The following ADAM7 variants were observed in gnomAD, a reference collection of about 807,000 sequenced individuals.
The protein encoded by ADAM7 is ADAM metallopeptidase domain 7, also known as disintegrin and metalloproteinase domain-containing protein 7.
In ADAM7, 97 loss-of-function variants were observed where a neutral mutation model predicts 102.9. The ratio of observed to expected loss-of-function variants is 0.94; its 90% CI spans 0.80 to 1.12. The LOEUF is 1.12. ADAM7 is among the 50% of genes most tolerant of loss of function. The pLI, the probability that ADAM7 is intolerant of heterozygous loss-of-function variation, is 0.00. For missense variants in ADAM7, 991 were observed against 908.7 expected (o/e 1.09, Z -1.16); for synonymous variants, 334 against 304.4 (o/e 1.10, Z -1.01).
chr8:24,485,917 T>C (rs1225504577), intron 10 of ADAM7, among the ~76,000 whole-genome samples: 1 of 152,204 alleles, frequency 6.6e-6, no homozygotes, highest in Non-Finnish European at 1.5e-5. Flanking sequence ...TCTATTTATT[T>C]TCTTTATGTC....
At chr8:24,477,610 G>T (rs181979603) in intron 8 of ADAM7, among the ~76,000 whole-genome samples, 1 of 148,556 alleles carries the variant, frequency 6.7e-6, no homozygotes, top group African/African-American at 2.5e-5. Context: ...TACAGTGTTG[G>T]ATTCTCTGAA....
intron 7 of ADAM7, among the ~76,000 whole-genome samples, chr8:24,469,380 A>C (rs78842359): frequency 6.6e-6 from 1 of 152,186 alleles, no homozygotes; most frequent in East Asian, 1.9e-4. Flanking sequence ...CTGTCTGCCT[A>C]TAGCCATGAG....
In ADAM7 at chr8:24,504,023, A is replaced by AAAAATAAAAT. The variant is rs140673463; in HGVS notation, c.2208+2481_2208+2490dup. 2.7e-4 allele frequency among the ~76,000 whole-genome samples: 40 copies of AAAAATAAAAT among 145,796 alleles called. No homozygotes were observed. In the East Asian group the frequency reaches 2.8e-3, roughly 10 times the overall value. On this transcript the variant is annotated intron_variant, in intron 20 of 21. Transcript: ENST00000175238. ...ACATGTATCCCTGAACTTCAAGTACAAAAATAAAATAAAATAAAATAAAAT... is the reference window on the plus strand; with the variant it reads ...ACATGTATCCCTGAACTTCAAGTACAAAAATAAAATAAAATAAAATAAAATAAAATAAAAT...
intron 3 of ADAM7, among the ~76,000 whole-genome samples, chr8:24,452,509 C>A (rs569493422): frequency 4.6e-4 from 70 of 151,906 alleles, no homozygotes; most frequent in South Asian, 2.1e-4. Flanking sequence ...TTTGGTAGAT[C>A]TTCCTCTATC....
intron 8 of ADAM7, among the ~76,000 whole-genome samples, chr8:24,477,050 A>T (rs1819791436): frequency 6.6e-6 from 1 of 152,174 alleles, no homozygotes; most frequent in Non-Finnish European, 1.5e-5. Context: ...ACCCCATAAG[A>T]AAAAGCTGTA....
intron 8 of ADAM7, among the ~76,000 whole-genome samples, chr8:24,476,847 T>G (rs1819784309): frequency 6.6e-6 from 1 of 152,180 alleles, no homozygotes; most frequent in Non-Finnish European, 1.5e-5. Context: ...CAAAAAGTCT[T>G]AAGTTATAAT....
chr8:24,493,564 A>G (rs1401223770), intron 16 of ADAM7, among the ~76,000 whole-genome samples: 3 of 152,116 alleles, frequency 2.0e-5, no homozygotes, highest in Non-Finnish European at 4.4e-5. Context: ...TTATTCATTC[A>G]CTCATATTTA....
At chr8:24,450,325 C>A (rs1388098794) in intron 3 of ADAM7, among the ~76,000 whole-genome samples, 1 of 152,220 alleles carries the variant, frequency 6.6e-6, no homozygotes, top group Non-Finnish European at 1.5e-5. Context: ...TTTTATTTCA[C>A]TGAGCAATAG....
chr8:24,496,912 G>C (rs903487796), intron 16 of ADAM7, among the ~76,000 whole-genome samples: 4 of 152,292 alleles, frequency 2.6e-5, no homozygotes, highest in Non-Finnish European at 5.9e-5. Context: ...GGGAAGGCAT[G>C]ATTGGTTTTA....
chr8:24,479,449 C>T (rs1819875941), intron 8 of ADAM7, among the ~76,000 whole-genome samples: 1 of 152,098 alleles, frequency 6.6e-6, no homozygotes, highest in Admixed American at 6.6e-5. Context: ...TTTACTATAG[C>T]TCCCTTGGCA....
chr8:24,457,451 A>G (rs921810647), intron 3 of ADAM7, among the ~76,000 whole-genome samples: 2 of 151,800 alleles, frequency 1.3e-5, no homozygotes, highest in East Asian at 1.9e-4. Flanking sequence ...AATTTTTTGT[A>G]TTTTAGTAGA....
At chr8:24,487,646 AG>A (rs1820189994) in intron 11 of ADAM7, among the ~76,000 whole-genome samples, 1 of 151,880 alleles carries the variant, frequency 6.6e-6, no homozygotes. Flanking sequence ...AAAAAAAAAA[AG>A]AAAAAAAAAG....
intron 1 of ADAM7, 124 bp from the exon 2 acceptor site, chr8:24,442,349 T>C (rs755630291): frequency 4.1e-6 from 3 of 737,240 alleles, no homozygotes; most frequent in African/African-American, 1.7e-5. Flanking sequence ...TAACATTTCA[T>C]AGTGTTGCTG....
At chr8:24,477,772 C>T (rs549000171) in intron 8 of ADAM7, among the ~76,000 whole-genome samples, 2 of 152,010 alleles carry the variant, frequency 1.3e-5, no homozygotes, top group East Asian at 3.9e-4. Flanking sequence ...CTGTGATTTT[C>T]CCACAGCTTT....
chr8:24,471,795 AT>A (rs1230430234), intron 7 of ADAM7, among the ~76,000 whole-genome samples: 1 of 152,054 alleles, frequency 6.6e-6, no homozygotes, highest in East Asian at 1.9e-4. Flanking sequence ...ACAGAAAAAA[AT>A]ATGTGAAGGT....
intron 8 of ADAM7, among the ~76,000 whole-genome samples, chr8:24,477,416 T>C (rs999160018): frequency 2.0e-5 from 3 of 152,192 alleles, no homozygotes; most frequent in Admixed American, 6.6e-5. Flanking sequence ...ATGTATTTAA[T>C]AATTTATTTA....
rs549768056 is a variant in ADAM7 at position 24,505,132 on chromosome 8, C to T, written c.2209-2348C>T. 3.9e-5 allele frequency among the ~76,000 whole-genome samples: 6 copies of T among 152,158 alleles called. No homozygotes were observed. In the South Asian group the frequency reaches 8.3e-4, roughly 21 times the overall value. ...ACTTAATATGTGTTATTTTAATCTA[C>T]GATGCCTCATGTGCTGTTGCAGTTA... is the stretch of plus-strand genomic sequence containing the variant. On this transcript the variant is annotated intron_variant, in intron 20 of 21. Transcript: ENST00000175238.
chr8:24,499,302 T>C lies in ADAM7; in HGVS notation c.1909T>C (p.Cys637Arg). The C allele has an allele frequency of 6.2e-7, 1 of 1,605,288 alleles. No individual in the cohort carries two copies. The highest frequency in any genetic ancestry group is 8.5e-7 in the Non-Finnish European group (1 of 1,176,252). ...TATCTCAACCAATTGCCCCTCTCAG[T>C]GCAATGAAAATCCTGTAAGATATGA... is the stretch of plus-strand genomic sequence containing the variant. ...VYISTNCPSQCNENPVDGHGL... is the reference protein window; with the variant it reads ...VYISTNCPSQRNENPVDGHGL... Residue 637 changes from cysteine (C) to arginine (R), a missense_variant, in exon 17 of 22, where the codon TGC becomes CGC. Cys to Arg is a radical substitution (Grantham distance 180). Coordinates refer to ENST00000175238, the MANE Select transcript of ADAM7 (RefSeq NM_003817.4).
intron 2 of ADAM7, among the ~76,000 whole-genome samples, chr8:24,444,754 A>G (rs970734729): frequency 2.0e-5 from 3 of 152,070 alleles, no homozygotes; most frequent in Admixed American, 2.0e-4. Context: ...AGACCTGACA[A>G]CTAAACGTAG....
Sources: allele counts gnomAD v4.1 joint callset (sites outside exome capture counted in the v4.1 genomes callset), GRCh38; gene constraint gnomAD v4.1.1; transcripts MANE v1.5; gene names NCBI Gene and HGNC (gene_info 2026-07-23, HGNC 2026-07-21).